YIPF7: variants seen among roughly 807,000 people sequenced by gnomAD.
The protein encoded by YIPF7 is protein YIPF7.
Under a neutral mutation model 27.2 loss-of-function variants are expected in YIPF7, and 35 were observed. That is an observed-to-expected ratio of 1.29 (90% CI 0.98 to 1.70). The LOEUF (loss-of-function observed/expected upper bound fraction) is 1.70. Among genes scored for constraint, YIPF7 ranks in the 40% most tolerant of loss-of-function variants. The probability of loss-of-function intolerance (pLI) is 0.00; values close to 1 mark genes in which losing one functional copy is unlikely to be tolerated. For missense variants in YIPF7, 358 were observed against 303.7 expected (o/e 1.18, Z -1.33); for synonymous variants, 137 against 110.4 (o/e 1.24, Z -1.51).
intron 2 of YIPF7, among the ~76,000 whole-genome samples, chr4:44,642,194 G>A (rs371399745): frequency 1.3e-5 from 2 of 152,092 alleles, no homozygotes; most frequent in Non-Finnish European, 2.9e-5. Context: ...ACTATTTCAG[G>A]TAGTAACTTT....
intron 2 of YIPF7, among the ~76,000 whole-genome samples, chr4:44,647,327 GA>G (rs1478830901): frequency 6.6e-6 from 1 of 152,132 alleles, no homozygotes; most frequent in Non-Finnish European, 1.5e-5. Flanking sequence ...CTTGCTTAGG[GA>G]GAAAGTTTTT....
At chr4:44,650,579 C>T (rs1478789842) in intron 1 of YIPF7, among the ~76,000 whole-genome samples, 1 of 152,086 alleles carries the variant, frequency 6.6e-6, no homozygotes, top group East Asian at 1.9e-4. Flanking sequence ...TAATAATACT[C>T]CTTCCCAAAG....
chr4:44,633,909 A>G (rs1713011964), intron 3 of YIPF7, among the ~76,000 whole-genome samples: 1 of 152,216 alleles, frequency 6.6e-6, no homozygotes, highest in Non-Finnish European at 1.5e-5. Context: ...CCAGAGGTAC[A>G]AAGTATTCCT....
Position 44,629,351 on chromosome 4 carries a change from C to T in YIPF7, c.426+52G>A, listed in dbSNP as rs1269415881. On this transcript the variant is annotated intron_variant, in intron 4 of 5. Transcript: ENST00000415895. ...ATATTTATACAGATTGCTTCAAAGC[C>T]AGCACTGGAAAGGACAAGCATTAAA... The T allele has an allele frequency of 8.2e-6, 12 of 1,469,920 alleles. No homozygotes were observed. In the East Asian group the frequency reaches 3.0e-4, roughly 36 times the overall value. 91.1% of individuals were successfully genotyped at this position (1,469,920 alleles called of 1,614,324 possible). A position where few individuals can be genotyped will look rare whatever the true frequency, so the allele number is the denominator to read the frequency against.
chr4:44,635,846 A>G, intron 3 of YIPF7, 76 bp downstream of exon 3: 1 of 1,492,784 alleles, frequency 6.7e-7, no homozygotes, highest in South Asian at 1.3e-5. Flanking sequence ...CTGCAGGCTG[A>G]CAGCACACAT....
At chr4:44,651,784 C>A, upstream of YIPF7, 1 of 445,164 alleles carries the variant, frequency 2.2e-6, no homozygotes, top group Non-Finnish European at 4.0e-6. Flanking sequence ...AACAGTGTTA[C>A]AGACTTACAA....
At chr4:44,653,781 T>C (rs1713808377), upstream of YIPF7, among the ~76,000 whole-genome samples, 1 of 152,160 alleles carries the variant, frequency 6.6e-6, no homozygotes, top group African/African-American at 2.4e-5. Context: ...TCTTTTCTAT[T>C]CCTTCTTTCA....
chr4:44,648,373 T>A (rs376532081), intron 2 of YIPF7, among the ~76,000 whole-genome samples: 13 of 152,290 alleles, frequency 8.5e-5, no homozygotes, highest in African/African-American at 3.1e-4. Flanking sequence ...GTTTTGGATT[T>A]GGGGACATTT....
At chr4:44,643,581 G>T (rs945834537) in intron 2 of YIPF7, among the ~76,000 whole-genome samples, 2 of 152,122 alleles carry the variant, frequency 1.3e-5, no homozygotes, top group Admixed American at 6.6e-5. Context: ...AACAGGAAAA[G>T]GACTCAAAGG....
intron 2 of YIPF7, 39 bp from the exon 3 acceptor site, chr4:44,636,124 A>G: frequency 6.4e-7 from 1 of 1,556,094 alleles, no homozygotes. Flanking sequence ...ATGTCTAAGA[A>G]AAAGGTATCA....
At chr4:44,661,274 G>T (rs901141345) in intron 1 of YIPF7, among the ~76,000 whole-genome samples, 2 of 152,142 alleles carry the variant, frequency 1.3e-5, no homozygotes, top group Non-Finnish European at 2.9e-5. Context: ...AGATGTAAGG[G>T]TATACTTAGC....
intron 2 of YIPF7, among the ~76,000 whole-genome samples, chr4:44,644,455 A>G (rs1713452920): frequency 6.6e-6 from 1 of 152,198 alleles, no homozygotes; most frequent in South Asian, 2.1e-4. Flanking sequence ...GGTTGGACAA[A>G]TTTGCTTTAA....
In YIPF7 at chr4:44,626,814, C is replaced by T. The variant is rs1243939047; in HGVS notation, c.427-2032G>A. Among the ~76,000 whole-genome samples, 10 of 111,662 alleles carry T rather than the reference C, an allele frequency of 9.0e-5. 1 individual carries two copies. The highest frequency in any genetic ancestry group is 0.019 in the Middle Eastern group (2 of 108). The allele number at this position is 111,662 out of a possible 152,430, so 73.3% of individuals were successfully genotyped here. A position where few individuals can be genotyped will look rare whatever the true frequency, so the allele number is the denominator to read the frequency against. ...TTTTTGTGATGGAGTCTCGCTCTTT[C>T]GCCCAGGCCGGAGGGCAGTGGTGCT... On this transcript the variant is annotated intron_variant, in intron 4 of 5. Transcript: ENST00000415895.
At chr4:44,645,800 T>A (rs1713507019) in intron 2 of YIPF7, among the ~76,000 whole-genome samples, 1 of 152,024 alleles carries the variant, frequency 6.6e-6, no homozygotes, top group Non-Finnish European at 1.5e-5. Flanking sequence ...GTAGGGCTCC[T>A]TTAGAACAAT....
At chr4:44,645,237 T>C (rs1211917295) in intron 2 of YIPF7, among the ~76,000 whole-genome samples, 1 of 152,234 alleles carries the variant, frequency 6.6e-6, no homozygotes, top group Non-Finnish European at 1.5e-5. Flanking sequence ...TTTAAACACA[T>C]ATTATGAATT....
At chr4:44,647,990 AT>A (rs1713587248) in intron 2 of YIPF7, among the ~76,000 whole-genome samples, 1 of 152,258 alleles carries the variant, frequency 6.6e-6, no homozygotes, top group South Asian at 2.1e-4. Context: ...TTATCCCAAC[AT>A]TATTATAATA....
intron 5 of YIPF7, among the ~76,000 whole-genome samples, chr4:44,622,954 A>G (rs1266598277): frequency 6.6e-6 from 1 of 152,192 alleles, no homozygotes. Flanking sequence ...AAATTGGCCA[A>G]CAGCGTAGGA....
chr4:44,638,418 C>T (rs561342456), intron 2 of YIPF7, among the ~76,000 whole-genome samples: 112 of 151,858 alleles, frequency 7.4e-4, no homozygotes, highest in Admixed American at 1.7e-3. Context: ...ACACAATTCT[C>T]AAAAGAAGAT....
chr4:44,661,599 T>G (rs1318913764), intron 1 of YIPF7, among the ~76,000 whole-genome samples: 1 of 152,200 alleles, frequency 6.6e-6, no homozygotes, highest in Non-Finnish European at 1.5e-5. Flanking sequence ...TTGTCATCCC[T>G]TGTAAAGGGT....
Sources: allele counts gnomAD v4.1 joint callset (sites outside exome capture counted in the v4.1 genomes callset), GRCh38; gene constraint gnomAD v4.1.1; transcripts MANE v1.5; gene names NCBI Gene and HGNC (gene_info 2026-07-23, HGNC 2026-07-21).